TIMP3: variants seen among roughly 807,000 people sequenced by gnomAD.
TIMP3 encodes the protein metalloproteinase inhibitor 3.
A neutral mutation model predicts 30.0 loss-of-function variants in TIMP3; 11 were observed. The ratio of observed to expected loss-of-function variants is 0.37; its 90% CI spans 0.23 to 0.61. The LOEUF (loss-of-function observed/expected upper bound fraction) is 0.61, where lower values mean the gene tolerates loss of function less well. Among genes scored for constraint, TIMP3 ranks in the 20% least tolerant of loss-of-function variants. TIMP3 has a pLI of 0.70. For synonymous variants in TIMP3, 112 were observed against 111.3 expected (o/e 1.01, Z -0.04); for missense variants, 181 against 276.8 (o/e 0.65, Z 2.45).
chr22:32,854,683 T>A (rs558225550), intron 2 of TIMP3, among the ~76,000 whole-genome samples: 1 of 152,212 alleles, frequency 6.6e-6, no homozygotes, highest in South Asian at 2.1e-4. Context: ...ATAGAAGAAG[T>A]CATCATCGTG....
intron 1 of TIMP3, chr22:32,833,809 G>C (rs2047648275): frequency 2.0e-6 from 1 of 500,638 alleles, no homozygotes; most frequent in Non-Finnish European, 4.0e-6. Flanking sequence ...GCCCTAGTGA[G>C]GCTCAAATGG....
rs115973516 is a variant in TIMP3, at chr22:32,812,657, G to A, written c.121+10535G>A. Among the ~76,000 whole-genome samples the A allele has an allele frequency of 6.3e-3, 963 of 152,220 alleles. 12 individuals carry two copies. The highest frequency in any genetic ancestry group is 0.02 in the African/African-American group (844 of 41,524). On this transcript the variant is annotated intron_variant, in intron 1 of 4. Coordinates refer to ENST00000266085, the MANE Select transcript of TIMP3 (RefSeq NM_000362.5). ...CTCTGGAAAATGTGGTTCATGGCTC[G>A]GCTCAAACATTTTCTGTTGCTGAGA...
At chr22:32,807,378 A>AAAT (rs1569239803) in intron 1 of TIMP3, among the ~76,000 whole-genome samples, 1 of 108,242 alleles carries the variant, frequency 9.2e-6, no homozygotes, top group Non-Finnish European at 1.7e-5. Context: ...TATTATATAT[A>AAAT]ATATATATTA....
chr22:32,833,847 G>A (rs369851828), intron 1 of TIMP3: 90 of 501,126 alleles, frequency 1.8e-4, no homozygotes, highest in Non-Finnish European at 3.0e-4. Context: ...ATTTAGCACT[G>A]ATCATGCATG....
chr22:32,838,541 G>C (rs2047801739), intron 1 of TIMP3, among the ~76,000 whole-genome samples: 1 of 152,156 alleles, frequency 6.6e-6, no homozygotes. Flanking sequence ...TTTGGGTGCT[G>C]TCCTTCCACA....
At chr22:32,846,192 C>G (rs1435327807) in intron 1 of TIMP3, among the ~76,000 whole-genome samples, 1 of 152,196 alleles carries the variant, frequency 6.6e-6, no homozygotes, top group Admixed American at 6.5e-5. Context: ...GTAGGCAATT[C>G]TTGGGTTACA....
At chr22:32,820,289 G>GA (rs2047206634) in intron 1 of TIMP3, among the ~76,000 whole-genome samples, 1 of 142,336 alleles carries the variant, frequency 7.0e-6, no homozygotes, top group South Asian at 2.4e-4. Flanking sequence ...TGTGTGTGTG[G>GA]TGTGTGTGGT....
rs981040897 is a variant in TIMP3 at position 32,862,252 on chromosome 22, C to T, written c.*2875C>T. On this transcript the variant is annotated 3_prime_UTR_variant, in exon 5 of 5. Coordinates refer to ENST00000266085, the MANE Select transcript of TIMP3 (RefSeq NM_000362.5). ...CATGGGAGATACAATTCCAAGTTCT[C>T]GCTTCCTCCTTTGGGCATCTCTTCT... is the stretch of plus-strand genomic sequence containing the variant. 6 of 152,258 alleles carry T rather than the reference C, an allele frequency of 3.9e-5. No individual in the cohort carries two copies. Among genetic ancestry groups the T allele is most frequent in the African/African-American group, 1.2e-4 (5 of 41,450 alleles). The allele number at this position is 152,258 out of a possible 1,614,324, so 9.4% of individuals were successfully genotyped here. A position where few individuals can be genotyped will look rare whatever the true frequency, so the allele number is the denominator to read the frequency against.
At chr22:32,838,755 C>T (rs2047808715) in intron 1 of TIMP3, among the ~76,000 whole-genome samples, 1 of 151,978 alleles carries the variant, frequency 6.6e-6, no homozygotes, top group Non-Finnish European at 1.5e-5. Context: ...ACAAAACCAT[C>T]CCCGTCTTCG....
intron 1 of TIMP3, among the ~76,000 whole-genome samples, chr22:32,832,178 C>T (rs2047592760): frequency 6.6e-6 from 1 of 152,194 alleles, no homozygotes; most frequent in South Asian, 2.1e-4. Flanking sequence ...GAAGAGGCAG[C>T]TGAAGCATCC....
At chr22:32,824,373 T>G (rs943723640) in intron 1 of TIMP3, among the ~76,000 whole-genome samples, 3 of 151,294 alleles carry the variant, frequency 2.0e-5, no homozygotes, top group Non-Finnish European at 4.4e-5. Flanking sequence ...TTTTTTGTTG[T>G]CAAGTACCCT....
intron 3 of TIMP3, 121 bp downstream of exon 3, chr22:32,857,481 T>G: frequency 3.8e-6 from 3 of 790,616 alleles, no homozygotes; most frequent in East Asian, 5.2e-5. Flanking sequence ...AAGGAGTCTC[T>G]AATGTTGAAT....
intron 1 of TIMP3, among the ~76,000 whole-genome samples, chr22:32,821,369 C>T (rs1017499298): frequency 6.6e-6 from 1 of 152,208 alleles, no homozygotes; most frequent in Non-Finnish European, 1.5e-5. Flanking sequence ...TGAAGATCTG[C>T]ACTTGCTCTT....
intron 2 of TIMP3, among the ~76,000 whole-genome samples, chr22:32,854,396 A>T (rs550161955): frequency 6.6e-6 from 1 of 152,264 alleles, no homozygotes; most frequent in Admixed American, 6.5e-5. Context: ...GACTGTAACC[A>T]GGGGCTTCAT....
chr22:32,849,075 C>G (rs2048147343), intron 1 of TIMP3, among the ~76,000 whole-genome samples: 1 of 152,098 alleles, frequency 6.6e-6, no homozygotes, highest in African/African-American at 2.4e-5. Flanking sequence ...TCTGGGAGAC[C>G]ATGGCATTGT....
intron 1 of TIMP3, among the ~76,000 whole-genome samples, chr22:32,835,434 G>A (rs960916493): frequency 6.6e-6 from 1 of 152,154 alleles, no homozygotes; most frequent in Non-Finnish European, 1.5e-5. Flanking sequence ...GGGCCCCTGA[G>A]AATACAAAAC....
chr22:32,810,712 GCTC>G (rs1189160937), intron 1 of TIMP3, among the ~76,000 whole-genome samples: 3 of 152,210 alleles, frequency 2.0e-5, no homozygotes, highest in African/African-American at 7.2e-5. Context: ...AAACTTCAGA[GCTC>G]CTGCAATGCC....
At chr22:32,816,050 G>T (rs1421334032) in intron 1 of TIMP3, among the ~76,000 whole-genome samples, 1 of 152,154 alleles carries the variant, frequency 6.6e-6, no homozygotes, top group Non-Finnish European at 1.5e-5. Context: ...AAGCAGGCTC[G>T]TCTCCTCTGG....
At chr22:32,853,037 G>A (rs562066561) in intron 2 of TIMP3, among the ~76,000 whole-genome samples, 2 of 152,168 alleles carry the variant, frequency 1.3e-5, no homozygotes, top group Non-Finnish European at 1.5e-5. Flanking sequence ...CATGTGCTTT[G>A]CATGTCCTGA....
Sources: gnomAD v4.1 joint callset for allele counts (sites outside exome capture counted in the v4.1 genomes callset) on GRCh38, gnomAD v4.1.1 for gene constraint, MANE v1.5 for transcripts, NCBI Gene and HGNC (gene_info 2026-07-23, HGNC 2026-07-21) for gene names.